Variants in APBB2 observed in about 807,000 individuals in gnomAD.
APBB2 encodes amyloid beta precursor protein binding family B member 2.
APBB2 carries 38 observed loss-of-function variants against 82.5 expected under a neutral mutation model. The observed-to-expected ratio is 0.46, with a 90% CI of 0.36 to 0.60. APBB2 has a LOEUF of 0.60. Ranked by LOEUF, APBB2 falls within the 20% of genes least tolerant of loss-of-function variation. The pLI, the probability that APBB2 is intolerant of heterozygous loss-of-function variation, is 0.00. For missense variants in APBB2, 772 were observed against 972.3 expected (o/e 0.79, Z 2.74); for synonymous variants, 341 against 368.2 (o/e 0.93, Z 0.85).
chr4:40,856,373 C>A (rs1185344539), intron 12 of APBB2, among the ~76,000 whole-genome samples: 1 of 152,210 alleles, frequency 6.6e-6, no homozygotes, highest in Non-Finnish European at 1.5e-5. Context: ...ATATTTAAAT[C>A]TTCACGCCTT....
intron 6 of APBB2, among the ~76,000 whole-genome samples, chr4:40,957,960 G>A (rs1203731711): frequency 1.3e-5 from 2 of 152,084 alleles, no homozygotes; most frequent in Admixed American, 6.5e-5. Context: ...ATACATCTCC[G>A]TTCATAGACT....
intron 6 of APBB2, among the ~76,000 whole-genome samples, chr4:40,952,004 C>T (rs1790308406): frequency 1.3e-5 from 2 of 151,906 alleles, no homozygotes; most frequent in South Asian, 4.2e-4. Context: ...CTGGCCAACA[C>T]AGTGAAACCT....
intron 2 of APBB2, among the ~76,000 whole-genome samples, chr4:41,118,868 G>A (rs2661656): frequency 4.6e-5 from 7 of 151,988 alleles, no homozygotes; most frequent in Admixed American, 1.3e-4. Flanking sequence ...GGCCGGGCGC[G>A]GTGGCTCACG....
Position 41,014,000 on chromosome 4 carries a change from G to T in APBB2, c.418C>A (p.Pro140Thr). The T allele has an allele frequency of 1.2e-6, 2 of 1,614,152 alleles. No individual in the cohort carries two copies. Among genetic ancestry groups the T allele is most frequent in the Non-Finnish European group, 8.5e-7 (1 of 1,179,990 alleles). ...CAGCTCGAGGAATCCTGTGGGTGGG[G>T]CTCTTTACCCTCTAACTTCTCAGAA... The part of the protein sequence containing the change: ...ITSEKLEGKE[P>T]HPQDSSSCEI... The change falls in exon 6 of 18, where the codon CCC becomes ACC. Residue 140 changes from proline (P) to threonine (T), a missense_variant. Coordinates refer to ENST00000508593, the MANE Select transcript of APBB2 (RefSeq NM_004307.2).
chr4:41,205,177 A>G (rs17527807), intron 1 of APBB2, among the ~76,000 whole-genome samples: 12,152 of 152,212 alleles, frequency 0.08, 694 homozygotes, highest in Non-Finnish European at 0.12. Flanking sequence ...TTGATTTTTA[A>G]ATATGATTCC....
chr4:41,169,408 T>G (rs767091981), intron 1 of APBB2, among the ~76,000 whole-genome samples: 1 of 150,958 alleles, frequency 6.6e-6, no homozygotes, highest in Non-Finnish European at 1.5e-5. Flanking sequence ...TTCACATCCC[T>G]GCAATTAAAT....
chr4:40,914,404 C>T (rs11731828), intron 10 of APBB2, among the ~76,000 whole-genome samples: 110,378 of 151,766 alleles, frequency 0.73, 40,321 homozygotes, highest in South Asian at 0.83. Context: ...AAATAAAAAT[C>T]ATCCGGGTGC....
chr4:41,142,939 C>G (rs1014723835), intron 2 of APBB2, 48 bp downstream of exon 2: 1 of 152,218 alleles, frequency 6.6e-6, no homozygotes, highest in Non-Finnish European at 1.5e-5. Flanking sequence ...ACAACTTTTC[C>G]CTATCCGGCC....
intron 10 of APBB2, among the ~76,000 whole-genome samples, chr4:40,921,700 G>T (rs543296118): frequency 6.6e-6 from 1 of 152,172 alleles, no homozygotes; most frequent in Non-Finnish European, 1.5e-5. Flanking sequence ...CTACAAATAC[G>T]CTCTAGGTTG....
At chr4:41,211,546 G>A (rs188341109) in intron 1 of APBB2, among the ~76,000 whole-genome samples, 3 of 152,010 alleles carry the variant, frequency 2.0e-5, no homozygotes, top group South Asian at 2.1e-4. Flanking sequence ...GCAGTGGCGC[G>A]ATCTTGGCTC....
intron 10 of APBB2, among the ~76,000 whole-genome samples, chr4:40,922,128 ATG>A (rs1449020321): frequency 6.6e-6 from 1 of 152,208 alleles, no homozygotes; most frequent in Non-Finnish European, 1.5e-5. Context: ...GAAATTATTT[ATG>A]TGTTAGGGCT....
intron 1 of APBB2, among the ~76,000 whole-genome samples, chr4:41,161,035 C>G (rs1056949788): frequency 6.6e-6 from 1 of 152,002 alleles, no homozygotes; most frequent in Non-Finnish European, 1.5e-5. Flanking sequence ...TCATTATACC[C>G]ACAGCATTAA....
In APBB2 at chr4:40,812,179, T is replaced by C. The variant is rs1188418415; in HGVS notation, c.*3913A>G. 3 of 152,316 alleles carry C rather than the reference T, an allele frequency of 2.0e-5. No homozygotes were observed. The highest frequency in any genetic ancestry group is 1.9e-4 in the East Asian group (1 of 5,188). The allele number at this position is 152,316 out of a possible 1,614,324, so 9.4% of individuals were successfully genotyped here. ...GTAGTAACTAATCAAAGCAAAATGC[T>C]CCATTACTAAAGTGATTTCTAAGAA... is the stretch of plus-strand genomic sequence containing the variant. On this transcript the variant is annotated 3_prime_UTR_variant, in exon 18 of 18. Coordinates refer to ENST00000508593, the MANE Select transcript of APBB2 (RefSeq NM_004307.2).
In APBB2 at chr4:40,812,235, A is replaced by G. The variant is rs1744559212; in HGVS notation, c.*3857T>C. On this transcript the variant is annotated 3_prime_UTR_variant, in exon 18 of 18. Coordinates refer to ENST00000508593, the MANE Select transcript of APBB2 (RefSeq NM_004307.2). ...AGGTAAGAATAATTTAAAAATAACT[A>G]GAGACACCGAGTTTCTATTTCTATT... 1 of 152,266 alleles carries G rather than the reference A, an allele frequency of 6.6e-6. No homozygotes were observed. The highest frequency in any genetic ancestry group is 1.5e-5 in the Non-Finnish European group (1 of 68,048). The allele number at this position is 152,266 out of a possible 1,614,324, so 9.4% of individuals were successfully genotyped here. A position where few individuals can be genotyped will look rare whatever the true frequency, so the allele number is the denominator to read the frequency against.
intron 12 of APBB2, among the ~76,000 whole-genome samples, chr4:40,875,462 G>C (rs575280337): frequency 6.6e-6 from 1 of 152,256 alleles, no homozygotes; most frequent in Admixed American, 6.5e-5. Context: ...TAAACAACTG[G>C]AAAATGGAAG....
At chr4:40,964,699 G>A (rs1483308129) in intron 6 of APBB2, among the ~76,000 whole-genome samples, 1 of 144,408 alleles carries the variant, frequency 6.9e-6, no homozygotes, top group African/African-American at 2.5e-5. Context: ...TGTACACATA[G>A]CCTATGGATA....
intron 4 of APBB2, among the ~76,000 whole-genome samples, chr4:41,059,004 C>T (rs1728794266): frequency 6.6e-6 from 1 of 152,160 alleles, no homozygotes; most frequent in South Asian, 2.1e-4. Flanking sequence ...GCTATCAGAA[C>T]ATGAGACAGG....
intron 3 of APBB2, among the ~76,000 whole-genome samples, chr4:41,100,002 G>A (rs1009061970): frequency 6.6e-6 from 1 of 151,844 alleles, no homozygotes; most frequent in South Asian, 2.1e-4. Flanking sequence ...AAAGATAAGA[G>A]AATAAAACTG....
chr4:41,038,497 T>C (rs562991756), intron 4 of APBB2, among the ~76,000 whole-genome samples: 1 of 152,142 alleles, frequency 6.6e-6, no homozygotes, highest in Non-Finnish European at 1.5e-5. Context: ...TTCCTCCCCA[T>C]ACATTGTCCC....
Sources: allele counts gnomAD v4.1 joint callset (sites outside exome capture counted in the v4.1 genomes callset), GRCh38; gene constraint gnomAD v4.1.1; transcripts MANE v1.5; gene names NCBI Gene and HGNC (gene_info 2026-07-23, HGNC 2026-07-21).